ZNF503: variants seen among roughly 807,000 people sequenced by gnomAD.
ZNF503 encodes the protein NocA-like zinc finger 2.
In ZNF503, 15 loss-of-function variants were observed where a neutral mutation model predicts 34.4. The ratio of observed to expected loss-of-function variants is 0.44; its 90% CI spans 0.29 to 0.67. ZNF503 has a LOEUF of 0.67. Ranked by LOEUF, ZNF503 falls within the 30% of genes least tolerant of loss-of-function variation. The pLI is 0.13. For synonymous variants in ZNF503, 580 were observed against 456.8 expected, an observed-to-expected ratio of 1.27 and a Z score of -3.44; for missense variants, 1,007 against 926.8, an observed-to-expected ratio of 1.09 and a Z score of -1.12.
At chr10:75,305,530 T>A in the ZNF503 span, among the ~76,000 whole-genome samples, 1 of 152,166 alleles carries the variant, frequency 6.6e-6, no homozygotes, top group Admixed American at 6.5e-5. Flanking sequence ...TAACATTAAA[T>A]TTACCATCTT....
At chr10:75,281,752 G>C in the ZNF503 span, among the ~76,000 whole-genome samples, 1 of 152,200 alleles carries the variant, frequency 6.6e-6, no homozygotes, top group Non-Finnish European at 1.5e-5. Flanking sequence ...ACACATGGGG[G>C]AGTGATCATG....
the ZNF503 span, among the ~76,000 whole-genome samples, chr10:75,280,805 T>C: frequency 2.0e-5 from 3 of 152,068 alleles, no homozygotes; most frequent in Admixed American, 6.6e-5. Context: ...TTAAGGTTGA[T>C]GGGCCATGAA....
At chr10:75,320,538 C>T in the ZNF503 span, among the ~76,000 whole-genome samples, 2 of 151,936 alleles carry the variant, frequency 1.3e-5, no homozygotes, top group African/African-American at 2.4e-5. Flanking sequence ...AATATATAGG[C>T]TGGGCATGGT....
At chr10:75,359,631 A>G in the ZNF503 span, among the ~76,000 whole-genome samples, 1 of 152,186 alleles carries the variant, frequency 6.6e-6, no homozygotes, top group South Asian at 2.1e-4. Flanking sequence ...GTGGTTCCAA[A>G]TGTGGTTGAA....
chr10:75,354,462 T>C, the ZNF503 span, among the ~76,000 whole-genome samples: 2 of 152,096 alleles, frequency 1.3e-5, no homozygotes, highest in Non-Finnish European at 2.9e-5. Context: ...CCTATAATCC[T>C]AGCACTTTGG....
Position 75,398,150 on chromosome 10 carries a change from ATT to A in ZNF503, c.*597_*598del, listed in dbSNP as rs111868526. The A allele has an allele frequency of 6.6e-6, 1 of 150,772 alleles. No individual in the cohort carries two copies. Among genetic ancestry groups the A allele is most frequent in the East Asian group, 2.0e-4 (1 of 5,128 alleles). 9.3% of individuals were successfully genotyped at this position (150,772 alleles called of 1,614,324 possible). A position where few individuals can be genotyped will look rare whatever the true frequency, so the allele number is the denominator to read the frequency against. On this transcript the variant is annotated 3_prime_UTR_variant, in exon 2 of 2. Coordinates refer to ENST00000372524, the MANE Select transcript of ZNF503 (RefSeq NM_032772.6). ...CTGACAAATTGTGACTTTTTTTTTC[ATT>A]TTTTTTGTAACAAACATGCATGTAA...
the ZNF503 span, among the ~76,000 whole-genome samples, chr10:75,348,211 T>C: frequency 3.3e-5 from 5 of 151,898 alleles, no homozygotes; most frequent in African/African-American, 1.2e-4. Context: ...TACAGTCATG[T>C]GCCACCACGC....
chr10:75,298,298 G>T, the ZNF503 span, among the ~76,000 whole-genome samples: 1 of 151,910 alleles, frequency 6.6e-6, no homozygotes, highest in Non-Finnish European at 1.5e-5. Flanking sequence ...TATTTAATTC[G>T]AGAACATTTT....
At chr10:75,351,621 G>C in the ZNF503 span, among the ~76,000 whole-genome samples, 2 of 152,186 alleles carry the variant, frequency 1.3e-5, no homozygotes, top group African/African-American at 4.8e-5. Context: ...ATCCTCAGAA[G>C]GTCTTTGGCC....
At chr10:75,386,916 C>T in the ZNF503 span, among the ~76,000 whole-genome samples, 1 of 152,230 alleles carries the variant, frequency 6.6e-6, no homozygotes, top group Admixed American at 6.5e-5. Flanking sequence ...TCATCACAGC[C>T]CGCCTTAAGG....
chr10:75,375,991 C>A, the ZNF503 span, among the ~76,000 whole-genome samples: 1 of 152,174 alleles, frequency 6.6e-6, no homozygotes, highest in Non-Finnish European at 1.5e-5. Context: ...ACCGGAGGTA[C>A]TGCACGTCAC....
At chr10:75,370,778 C>CAAAAAAAAAAAAAAAA in the ZNF503 span, among the ~76,000 whole-genome samples, 9 of 67,972 alleles carry the variant, frequency 1.3e-4, no homozygotes, top group African/African-American at 2.9e-4. Context: ...GGCTCCATCT[C>CAAAAAAAAAAAAAAAA]AAAAAAAAAA....
At chr10:75,319,863 G>A in the ZNF503 span, among the ~76,000 whole-genome samples, 2 of 152,136 alleles carry the variant, frequency 1.3e-5, no homozygotes, top group Non-Finnish European at 2.9e-5. Flanking sequence ...CAATTTGGAG[G>A]AAAACAATGA....
At chr10:75,335,978 T>G in the ZNF503 span, among the ~76,000 whole-genome samples, 1 of 151,726 alleles carries the variant, frequency 6.6e-6, no homozygotes, top group East Asian at 1.9e-4. Context: ...GAAACACACT[T>G]TTCATCTATT....
At chr10:75,388,224 G>A in the ZNF503 span, among the ~76,000 whole-genome samples, 3 of 152,204 alleles carry the variant, frequency 2.0e-5, no homozygotes. Context: ...AGAACAGGTG[G>A]GGCCAGTGGT....
the ZNF503 span, among the ~76,000 whole-genome samples, chr10:75,365,797 A>G: frequency 1.4e-4 from 22 of 152,372 alleles, 2 homozygotes; most frequent in African/African-American, 5.3e-4. Context: ...GCCTATGGTG[A>G]GTGCTCAGTA....
At chr10:75,335,759 G>A in the ZNF503 span, among the ~76,000 whole-genome samples, 20 of 152,272 alleles carry the variant, frequency 1.3e-4, no homozygotes, top group Admixed American at 1.3e-3. Context: ...CTTCCATGGT[G>A]GTGTGGGTGG....
downstream of ZNF503, among the ~76,000 whole-genome samples, chr10:75,396,818 G>A (rs918899233): frequency 6.6e-6 from 1 of 152,066 alleles, no homozygotes; most frequent in Non-Finnish European, 1.5e-5. The surrounding 1 kb of genome is among the most constrained non-coding windows in gnomAD (Gnocchi z 4.4). Context: ...CGTCTGGGAG[G>A]GGGCGCTGGG....
the ZNF503 span, among the ~76,000 whole-genome samples, chr10:75,317,465 T>C: frequency 6.6e-6 from 1 of 151,176 alleles, no homozygotes; most frequent in South Asian, 2.1e-4. Context: ...TTTTGTACTT[T>C]TAGAAGAGAC....
Sources: allele counts gnomAD v4.1 joint callset (sites outside exome capture counted in the v4.1 genomes callset), GRCh38; gene constraint gnomAD v4.1.1; non-coding constraint Gnocchi (gnomAD v3.1); transcripts MANE v1.5; gene names NCBI Gene and HGNC (gene_info 2026-07-23, HGNC 2026-07-21).